Variants in YAF2 observed in about 807,000 individuals in gnomAD.
The protein encoded by YAF2 is YY1-associated factor 2.
In YAF2, 7 loss-of-function variants were observed where a neutral mutation model predicts 20.1. The observed-to-expected ratio is 0.35, with a 90% CI of 0.20 to 0.65. The LOEUF (loss-of-function observed/expected upper bound fraction) is 0.65. Among genes scored for constraint, YAF2 ranks in the 30% least tolerant of loss-of-function variants. YAF2 has a pLI of 0.69. For missense variants in YAF2, 151 were observed against 219.2 expected (o/e 0.69, Z 1.96); for synonymous variants, 74 against 76.0 (o/e 0.97, Z 0.14).
chr12:42,221,959 C>T (rs985516691), intron 2 of YAF2, among the ~76,000 whole-genome samples: 1 of 152,212 alleles, frequency 6.6e-6, no homozygotes, highest in Non-Finnish European at 1.5e-5. Context: ...TGTGACTAAA[C>T]ACTCTAGAAA....
rs78469271 is a variant in YAF2 at position 42,210,064 on chromosome 12, C to T, written c.152+27535G>A. On this transcript the variant is annotated intron_variant, in intron 2 of 3. Transcript: ENST00000534854. ...CCACCCGCCTTGGCCTCCAAAAGTA[C>T]TGGGATTACAAGTGTGAGTCAGCAA... 4.1e-4 allele frequency among the ~76,000 whole-genome samples: 63 copies of T among 152,270 alleles called. No individual in the cohort carries two copies. The East Asian group carries it at 0.01, about 25-fold the overall frequency.
chr12:42,162,400 C>T (rs976356094), intron 2 of YAF2, among the ~76,000 whole-genome samples: 1 of 152,138 alleles, frequency 6.6e-6, no homozygotes, highest in African/African-American at 2.4e-5. Context: ...AAGAACTGTT[C>T]AGGGATATCT....
At chr12:42,164,974 G>C (rs1241819262) in intron 2 of YAF2, among the ~76,000 whole-genome samples, 1 of 151,080 alleles carries the variant, frequency 6.6e-6, no homozygotes, top group African/African-American at 2.4e-5. Context: ...AAAATCGCTT[G>C]AGCCCAGGAG....
At chr12:42,162,010 G>C (rs2065809601) in intron 2 of YAF2, among the ~76,000 whole-genome samples, 1 of 151,976 alleles carries the variant, frequency 6.6e-6, no homozygotes. Flanking sequence ...TCAAACATTA[G>C]AATACTGTTA....
At chr12:42,205,084 G>T (rs1591996757) in intron 2 of YAF2, among the ~76,000 whole-genome samples, 1 of 146,270 alleles carries the variant, frequency 6.8e-6, no homozygotes, top group Admixed American at 6.8e-5. Context: ...TATTCCTCTT[G>T]GGGAAATTTA....
At chr12:42,163,127 A>G (rs1180186500) in intron 2 of YAF2, among the ~76,000 whole-genome samples, 1 of 152,144 alleles carries the variant, frequency 6.6e-6, no homozygotes, top group Non-Finnish European at 1.5e-5. Flanking sequence ...ATTTCTAACT[A>G]GTTTCCAAGT....
At chr12:42,175,804 A>T (rs998590201) in intron 2 of YAF2, among the ~76,000 whole-genome samples, 10 of 149,822 alleles carry the variant, frequency 6.7e-5, no homozygotes, top group Non-Finnish European at 1.2e-4. Flanking sequence ...CACTTAAATG[A>T]GGATCTGTAG....
At chr12:42,189,307 G>T (rs2066553128) in intron 2 of YAF2, among the ~76,000 whole-genome samples, 1 of 152,150 alleles carries the variant, frequency 6.6e-6, no homozygotes, top group Non-Finnish European at 1.5e-5. Context: ...TATATTAACT[G>T]GTCTGGAGCC....
intron 3 of YAF2, chr12:42,161,051 C>G: frequency 2.0e-6 from 1 of 509,324 alleles, no homozygotes; most frequent in South Asian, 2.7e-5. Context: ...CTGTGACAGC[C>G]TAGAAGTAGA....
At chr12:42,199,753 A>T (rs1233081227) in intron 2 of YAF2, among the ~76,000 whole-genome samples, 1 of 152,210 alleles carries the variant, frequency 6.6e-6, no homozygotes, top group Non-Finnish European at 1.5e-5. Flanking sequence ...GACTGAGAAA[A>T]CCAACTGTAC....
intron 2 of YAF2, chr12:42,212,551 A>T (rs1291193478): frequency 2.9e-6 from 1 of 339,304 alleles, no homozygotes; most frequent in African/African-American, 2.2e-5. Flanking sequence ...TCACCACTGA[A>T]TAAATGAAAG....
chr12:42,164,719 T>C (rs1481794680), intron 2 of YAF2, among the ~76,000 whole-genome samples: 1 of 151,956 alleles, frequency 6.6e-6, no homozygotes, highest in Non-Finnish European at 1.5e-5. Context: ...GTGAATCTGT[T>C]GATACTCTGG....
At chr12:42,236,890 G>A (rs1193915328) in intron 2 of YAF2, among the ~76,000 whole-genome samples, 1 of 152,136 alleles carries the variant, frequency 6.6e-6, no homozygotes, top group Non-Finnish European at 1.5e-5. Context: ...TTAATTCAAA[G>A]TCATTTTTTA....
At position 42,158,317 on chromosome 12, in the gene YAF2, A is replaced by G. The variant is rs747595490; in HGVS notation, c.*2272T>C. ...GAGAAAACATCTGATATTACACTGA[A>G]AATTTAGTGAAATCTATAAAACACT... On this transcript the variant is annotated 3_prime_UTR_variant, in exon 4 of 4. Coordinates refer to ENST00000534854, the MANE Select transcript of YAF2 (RefSeq NM_005748.6). 3 of 152,204 alleles carry G rather than the reference A, an allele frequency of 2.0e-5. No homozygotes were observed. Among genetic ancestry groups the G allele is most frequent in the Non-Finnish European group, 4.4e-5 (3 of 68,034 alleles). 9.4% of individuals were successfully genotyped at this position (152,204 alleles called of 1,614,324 possible). A position where few individuals can be genotyped will look rare whatever the true frequency, so the allele number is the denominator to read the frequency against.
chr12:42,192,049 A>C (rs928070166), intron 2 of YAF2, among the ~76,000 whole-genome samples: 14 of 152,018 alleles, frequency 9.2e-5, no homozygotes, highest in African/African-American at 1.4e-4. Flanking sequence ...CTCAAAAAAA[A>C]AAAACAAAAC....
At chr12:42,185,298 G>GAA (rs1474968821) in intron 2 of YAF2, among the ~76,000 whole-genome samples, 1 of 152,212 alleles carries the variant, frequency 6.6e-6, no homozygotes, top group Non-Finnish European at 1.5e-5. Context: ...GCTTATTACA[G>GAA]ATAAACACAC....
At chr12:42,165,084 A>C (rs1379221804) in intron 2 of YAF2, among the ~76,000 whole-genome samples, 1 of 151,832 alleles carries the variant, frequency 6.6e-6, no homozygotes, top group Non-Finnish European at 1.5e-5. Flanking sequence ...AAAAAAGAAA[A>C]GAAACTACTT....
chr12:42,209,542 C>T (rs1167416283), intron 2 of YAF2, among the ~76,000 whole-genome samples: 1 of 115,926 alleles, frequency 8.6e-6, no homozygotes, highest in African/African-American at 3.4e-5. Context: ...CTAGCCTGGG[C>T]GATAGAGCCA....
At chr12:42,186,188 T>TAAAA (rs2066468689) in intron 2 of YAF2, among the ~76,000 whole-genome samples, 1 of 12,250 alleles carries the variant, frequency 8.2e-5, no homozygotes, top group African/African-American at 6.9e-4. Flanking sequence ...AAACTCTGTC[T>TAAAA]CAAAAAAAAA....
Sources: gnomAD v4.1 joint callset for allele counts (sites outside exome capture counted in the v4.1 genomes callset) on GRCh38, gnomAD v4.1.1 for gene constraint, MANE v1.5 for transcripts, NCBI Gene and HGNC (gene_info 2026-07-23, HGNC 2026-07-21) for gene names.